Variants in CNTN5 observed in about 807,000 individuals in gnomAD.
CNTN5 encodes contactin-5.
Under a neutral mutation model 129.1 loss-of-function variants are expected in CNTN5, and 77 were observed. The observed-to-expected ratio is 0.60, with a 90% CI of 0.50 to 0.72. The LOEUF (loss-of-function observed/expected upper bound fraction) is 0.72. CNTN5 is among the 30% of genes least tolerant of loss of function. CNTN5 has a pLI of 0.00. For synonymous variants in CNTN5, 509 were observed against 465.6 expected (o/e 1.09, Z -1.20); for missense variants, 1,478 against 1,328.8 (o/e 1.11, Z -1.75).
intron 1 of CNTN5, among the ~76,000 whole-genome samples, chr11:99,191,971 TGAAAC>T (rs1388556173): frequency 6.6e-6 from 1 of 151,530 alleles, no homozygotes; most frequent in African/African-American, 2.4e-5. Flanking sequence ...CAGAAATAAA[TGAAAC>T]AGAAACTATA....
intron 2 of CNTN5, among the ~76,000 whole-genome samples, chr11:99,498,325 C>T (rs949709679): frequency 7.2e-5 from 11 of 152,048 alleles, no homozygotes; most frequent in African/African-American, 1.2e-4. Context: ...CTATAGTTTT[C>T]GACCTCCCAT....
intron 17 of CNTN5, among the ~76,000 whole-genome samples, chr11:100,268,829 C>T (rs575987376): frequency 7.2e-5 from 11 of 152,070 alleles, no homozygotes; most frequent in East Asian, 3.9e-4. Context: ...GAGTCCAGGA[C>T]GGCCCGAAGA....
At chr11:99,293,426 G>A (rs1864255809) in intron 1 of CNTN5, among the ~76,000 whole-genome samples, 1 of 152,050 alleles carries the variant, frequency 6.6e-6, no homozygotes, top group Admixed American at 6.6e-5. Flanking sequence ...TCTGGTAGCA[G>A]GGTACCTTGT....
At chr11:99,317,681 G>C (rs1488929275) in intron 1 of CNTN5, among the ~76,000 whole-genome samples, 1 of 152,036 alleles carries the variant, frequency 6.6e-6, no homozygotes, top group Admixed American at 6.6e-5. Context: ...CTGATAACTT[G>C]TTTCGTACAT....
At chr11:99,748,839 TCTA>T (rs1944143485) in intron 3 of CNTN5, among the ~76,000 whole-genome samples, 1 of 152,206 alleles carries the variant, frequency 6.6e-6, no homozygotes, top group Non-Finnish European at 1.5e-5. Flanking sequence ...CTTTACTCAC[TCTA>T]CTGATTCAAA....
chr11:99,282,382 C>T lies in CNTN5; in HGVS notation c.-209-42964C>T, dbSNP rs137975745. On this transcript the variant is annotated intron_variant, in intron 1 of 24. Coordinates refer to ENST00000524871, the MANE Select transcript of CNTN5 (RefSeq NM_014361.4). ...ATATCTGAGTTGAGACGTAAAAATT[C>T]ACAAGAACAACCAAAAAGGGAATAA... Among the ~76,000 whole-genome samples, 160 of 152,026 alleles carry T rather than the reference C, an allele frequency of 1.1e-3. 1 individual carries two copies. Among genetic ancestry groups the T allele is most frequent in the African/African-American group, 3.4e-3 (141 of 41,498 alleles).
intron 3 of CNTN5, among the ~76,000 whole-genome samples, chr11:99,681,340 T>A (rs1395602961): frequency 2.6e-5 from 4 of 151,818 alleles, no homozygotes; most frequent in African/African-American, 9.7e-5. Context: ...TACTAAGAAT[T>A]TTTTTGTGAA....
Position 100,179,716 on chromosome 11 carries a change from GATTATAACCAT to G in CNTN5, c.1581-11406_1581-11396del, listed in dbSNP as rs569954731. On this transcript the variant is annotated intron_variant, in intron 13 of 24. Transcript: ENST00000524871. The stretch of plus-strand genomic sequence containing the variant: ...ATATACTAGAATTCACTTGTTACTA[GATTATAACCAT>G]ATTGAACTAAAAATAATTTATCCAT... Among the ~76,000 whole-genome samples the G allele has an allele frequency of 1.9e-3, 286 of 152,094 alleles. 1 individual carries two copies. The highest frequency in any genetic ancestry group is 3.0e-3 in the Non-Finnish European group (205 of 67,974).
In CNTN5 at chr11:99,271,001, A is replaced by G. The variant is rs114091514; in HGVS notation, c.-209-54345A>G. ...AAGCAAAAGAATCATGTCTGTCTTC[A>G]TACATTACACCTTCAGAGTGTAGAG... is the stretch of plus-strand genomic sequence containing the variant. On this transcript the variant is annotated intron_variant, in intron 1 of 24. Coordinates refer to ENST00000524871, the MANE Select transcript of CNTN5 (RefSeq NM_014361.4). Among the ~76,000 whole-genome samples, 1,303 of 152,102 alleles carry G rather than the reference A, an allele frequency of 8.6e-3. 16 individuals are homozygous for G. Among genetic ancestry groups the G allele is most frequent in the African/African-American group, 0.029 (1,217 of 41,542 alleles).
In CNTN5 at chr11:99,911,080, T is replaced by A. The variant is rs111299249; in HGVS notation, c.578-4974T>A. On this transcript the variant is annotated intron_variant, in intron 6 of 24. Coordinates refer to ENST00000524871, the MANE Select transcript of CNTN5 (RefSeq NM_014361.4). ...CAGTTCCTTAATCTTTCATATAATA[T>A]ATATGACACTCAAATGTAATTAATG... 7.7e-3 allele frequency among the ~76,000 whole-genome samples: 1,169 copies of A among 152,180 alleles called. 16 individuals carry two copies. Among genetic ancestry groups the A allele is most frequent in the African/African-American group, 0.027 (1,113 of 41,562 alleles).
intron 6 of CNTN5, among the ~76,000 whole-genome samples, chr11:99,887,156 T>A (rs1948922444): frequency 2.6e-5 from 4 of 152,226 alleles, no homozygotes. Context: ...TATGTTCATG[T>A]GAGTTGGACA....
chr11:100,238,248 A>C (rs2138671972), intron 16 of CNTN5, among the ~76,000 whole-genome samples: 1 of 152,214 alleles, frequency 6.6e-6, no homozygotes, highest in Middle Eastern at 3.4e-3. Flanking sequence ...TTAATTAAAA[A>C]ATGACTCAAA....
At chr11:99,264,392 A>C (rs34640323) in intron 1 of CNTN5, among the ~76,000 whole-genome samples, 1,601 of 152,188 alleles carry the variant, frequency 0.011, 8 homozygotes, top group Non-Finnish European at 0.017. Flanking sequence ...CATCTATCAT[A>C]TATAAACCTA....
chr11:99,596,021 G>C (rs918437014), intron 3 of CNTN5, among the ~76,000 whole-genome samples: 5 of 152,054 alleles, frequency 3.3e-5, no homozygotes, highest in African/African-American at 1.2e-4. Context: ...CCTGATTCAA[G>C]ACACGCTTTA....
intron 1 of CNTN5, among the ~76,000 whole-genome samples, chr11:99,084,996 T>C (rs1460905130): frequency 6.6e-6 from 1 of 152,172 alleles, no homozygotes; most frequent in Non-Finnish European, 1.5e-5. Flanking sequence ...TTTCACATTA[T>C]GTTGGTGAGG....
intron 9 of CNTN5, among the ~76,000 whole-genome samples, chr11:100,060,368 AAATAG>A (rs1238325227): frequency 1.4e-5 from 1 of 69,932 alleles, no homozygotes; most frequent in Admixed American, 1.4e-4. Flanking sequence ...TTAAATAATA[AAATAG>A]CAAATATACA....
chr11:99,203,790 GT>G (rs1310897990), intron 1 of CNTN5, among the ~76,000 whole-genome samples: 1 of 151,952 alleles, frequency 6.6e-6, no homozygotes, highest in Non-Finnish European at 1.5e-5. Flanking sequence ...GTAGAGATGG[GT>G]TTTGCCATGT....
intron 2 of CNTN5, among the ~76,000 whole-genome samples, chr11:99,458,669 C>T (rs1944579706): frequency 6.6e-6 from 1 of 152,028 alleles, no homozygotes. Flanking sequence ...TGAACCCAAG[C>T]GAATGCCCAT....
chr11:99,845,008 C>A (rs372717764), intron 5 of CNTN5, 33 bp downstream of exon 5: 3 of 1,609,816 alleles, frequency 1.9e-6, no homozygotes, highest in Non-Finnish European at 2.5e-6. Flanking sequence ...TTTTCTTAAG[C>A]CTTAAAAACT....
Sources: allele counts gnomAD v4.1 joint callset (sites outside exome capture counted in the v4.1 genomes callset), GRCh38; gene constraint gnomAD v4.1.1; transcripts MANE v1.5; gene names NCBI Gene and HGNC (gene_info 2026-07-23, HGNC 2026-07-21).